Variants in RFTN1 observed in about 807,000 individuals in gnomAD.
RFTN1 encodes raftlin.
A neutral mutation model predicts 46.5 loss-of-function variants in RFTN1; 26 were observed. The ratio of observed to expected loss-of-function variants is 0.56; its 90% confidence interval spans 0.41 to 0.78. The LOEUF is 0.78. Ranked by LOEUF, RFTN1 falls within the 30% of genes least tolerant of loss-of-function variation. The pLI is 0.00. For synonymous variants in RFTN1, 261 were observed against 284.2 expected, an observed-to-expected ratio of 0.92 and a Z score of 0.82; for missense variants, 693 against 718.7, an observed-to-expected ratio of 0.96 and a Z score of 0.41.
chr3:16,334,299 G>A lies in RFTN1; in HGVS notation c.1147-7423C>T, dbSNP rs992250455. ...AGGCCGTGGGGAAGCATGCGTTCTTGTACATTGCTAGTGGAAGGGCTCATT... is the reference window on the plus strand; with the variant it reads ...AGGCCGTGGGGAAGCATGCGTTCTTATACATTGCTAGTGGAAGGGCTCATT... On this transcript the variant is annotated intron_variant, in intron 7 of 9. Coordinates refer to ENST00000334133, the MANE Select transcript of RFTN1 (RefSeq NM_015150.2). The surrounding 1 kb of genome is among the most constrained non-coding windows in gnomAD (Gnocchi z 4.3). 6.6e-6 allele frequency among the ~76,000 whole-genome samples: 1 copy of A among 152,226 alleles called. No individual in the cohort carries two copies. The highest frequency in any genetic ancestry group is 2.4e-5 in the African/African-American group (1 of 41,456).
intron 6 of RFTN1, among the ~76,000 whole-genome samples, chr3:16,359,858 G>A (rs1284746549): frequency 6.6e-6 from 1 of 151,428 alleles, no homozygotes; most frequent in Non-Finnish European, 1.5e-5. Flanking sequence ...AATTCAGAAA[G>A]TCCCCTGAAT....
intron 2 of RFTN1, chr3:16,472,125 A>C (rs2076207771): frequency 6.8e-6 from 1 of 147,490 alleles, no homozygotes; most frequent in Admixed American, 6.7e-5. Flanking sequence ...TAAGCTGTTA[A>C]AAAAAAAAAA....
rs549482283 is a variant in RFTN1 at position 16,424,868 on chromosome 3, A to C, written c.332+8983T>G. ...CTGCATTCATATCTAAAAGTGTAAA[A>C]CTCAATGACTAGTCTCATCCAGGAC... On this transcript the variant is annotated intron_variant, in intron 3 of 9. Coordinates refer to ENST00000334133, the MANE Select transcript of RFTN1 (RefSeq NM_015150.2). The surrounding 1 kb of genome is among the most constrained non-coding windows in gnomAD (Gnocchi z 4.7). Among the ~76,000 whole-genome samples, 1 of 152,202 alleles carries C rather than the reference A, an allele frequency of 6.6e-6. No homozygotes were observed. Among genetic ancestry groups the C allele is most frequent in the Non-Finnish European group, 1.5e-5 (1 of 68,000 alleles).
intron 6 of RFTN1, among the ~76,000 whole-genome samples, chr3:16,364,773 T>C (rs918488434): frequency 2.0e-5 from 3 of 152,194 alleles, no homozygotes; most frequent in Non-Finnish European, 4.4e-5. Flanking sequence ...CAATTACATG[T>C]AAAAATATGA....
In RFTN1 at chr3:16,428,669, T is replaced by C. The variant is rs1277594163; in HGVS notation, c.332+5182A>G. Among the ~76,000 whole-genome samples the C allele has an allele frequency of 6.6e-6, 1 of 152,190 alleles. No homozygotes were observed. On this transcript the variant is annotated intron_variant, in intron 3 of 9. Coordinates refer to ENST00000334133, the MANE Select transcript of RFTN1 (RefSeq NM_015150.2). The surrounding 1 kb of genome is among the most constrained non-coding windows in gnomAD (Gnocchi z 4.7). Reference sequence around the variant, plus strand: ...TCGCCAAAGGACTTCAACTCATTCATGATGAAAAACACACCAATGACGCCC... The same window carrying C: ...TCGCCAAAGGACTTCAACTCATTCACGATGAAAAACACACCAATGACGCCC...
At chr3:16,392,676 C>T (rs2074379219) in intron 4 of RFTN1, among the ~76,000 whole-genome samples, 1 of 106,936 alleles carries the variant, frequency 9.4e-6, no homozygotes, top group Non-Finnish European at 1.8e-5. Flanking sequence ...TACACACACA[C>T]ACACATATAT....
At chr3:16,398,758 T>G (rs1019858603) in intron 4 of RFTN1, among the ~76,000 whole-genome samples, 1 of 152,134 alleles carries the variant, frequency 6.6e-6, no homozygotes, top group Non-Finnish European at 1.5e-5. Flanking sequence ...ATCCCCTGGG[T>G]GGCTGGAAAG....
intron 8 of RFTN1, among the ~76,000 whole-genome samples, chr3:16,324,431 G>A (rs972323709): frequency 3.3e-5 from 5 of 152,080 alleles, no homozygotes; most frequent in African/African-American, 4.8e-5. Flanking sequence ...TCTCTCGTTT[G>A]CCCATCCGCC....
chr3:16,464,092 T>C (rs1157525808), intron 2 of RFTN1, among the ~76,000 whole-genome samples: 1 of 152,184 alleles, frequency 6.6e-6, no homozygotes, highest in African/African-American at 2.4e-5. Context: ...TGCTTATCTT[T>C]CGAACCTCTC....
intron 2 of RFTN1, among the ~76,000 whole-genome samples, chr3:16,469,263 G>T (rs545723554): frequency 1.3e-5 from 2 of 152,318 alleles, no homozygotes; most frequent in South Asian, 2.1e-4. Context: ...GGGATTAAAA[G>T]AATTAATATA....
intron 5 of RFTN1, among the ~76,000 whole-genome samples, chr3:16,373,649 GAAGA>G (rs934602570): frequency 1.3e-5 from 2 of 152,218 alleles, no homozygotes; most frequent in African/African-American, 2.4e-5. Context: ...GGTCTGGAGA[GAAGA>G]AAGAGTTTAG....
rs149728076 is a variant in RFTN1, at chr3:16,460,174, A to G, written c.146-26137T>C. Among the ~76,000 whole-genome samples, 409 of 151,926 alleles carry G rather than the reference A, an allele frequency of 2.7e-3. No individual in the cohort carries two copies. The highest frequency in any genetic ancestry group is 9.2e-3 in the African/African-American group (380 of 41,410). ...TGTGTAGATTATTCTGGCCCTGCAA[A>G]ACACAGAAGTGTCTCAATTTCTCTT... On this transcript the variant is annotated intron_variant, in intron 2 of 9. Coordinates refer to ENST00000334133, the MANE Select transcript of RFTN1 (RefSeq NM_015150.2). This position sits in a 1 kb window ranked among gnomAD's most constrained non-coding sequence, Gnocchi z 4.8.
At chr3:16,325,638 C>T (rs902138025) in intron 8 of RFTN1, among the ~76,000 whole-genome samples, 2 of 152,108 alleles carry the variant, frequency 1.3e-5, no homozygotes, top group Admixed American at 6.5e-5. Context: ...CTATGCCTGT[C>T]GAAGTCTTGG....
At chr3:16,403,589 TATATATA>T (rs1300609174) in intron 4 of RFTN1, among the ~76,000 whole-genome samples, 1,193 of 72,670 alleles carry the variant, frequency 0.016, 303 homozygotes, top group African/African-American at 0.073. Flanking sequence ...TTATATTTTA[TATATATA>T]ATATATAATA....
In RFTN1 at chr3:16,504,133, A is replaced by T. The variant is rs1017068576; in HGVS notation, c.-9+9309T>A. 6.6e-6 allele frequency among the ~76,000 whole-genome samples: 1 copy of T among 152,228 alleles called. No homozygotes were observed. Among genetic ancestry groups the T allele is most frequent in the African/African-American group, 2.4e-5 (1 of 41,448 alleles). On this transcript the variant is annotated intron_variant, in intron 1 of 9. Coordinates refer to ENST00000334133, the MANE Select transcript of RFTN1 (RefSeq NM_015150.2). The surrounding 1 kb of genome is among the most constrained non-coding windows in gnomAD (Gnocchi z 4.4). ...TTTAATGGCATGCCCTAGACTAAAAAAAAAATACCCAATAGTTCGTTTTAT... is the reference window on the plus strand; with the variant it reads ...TTTAATGGCATGCCCTAGACTAAAATAAAAATACCCAATAGTTCGTTTTAT...
In RFTN1 at chr3:16,443,228, A is replaced by T. The variant is rs759321860; in HGVS notation, c.146-9191T>A. Among the ~76,000 whole-genome samples, 21 of 152,198 alleles carry T rather than the reference A, an allele frequency of 1.4e-4. No homozygotes were observed. The highest frequency in any genetic ancestry group is 2.5e-4 in the Non-Finnish European group (17 of 68,032). ...TTCTCTTATACTTCACATCCTCACC[A>T]ACACTTCTTATCTCTTGTATTTTTG... is the stretch of plus-strand genomic sequence containing the variant. On this transcript the variant is annotated intron_variant, in intron 2 of 9. Transcript: ENST00000334133. The surrounding 1 kb of genome is among the most constrained non-coding windows in gnomAD (Gnocchi z 5.5).
intron 2 of RFTN1, among the ~76,000 whole-genome samples, chr3:16,464,561 C>T (rs970768652): frequency 6.6e-6 from 1 of 152,178 alleles, no homozygotes; most frequent in African/African-American, 2.4e-5. Context: ...ATTAGTTCCC[C>T]CCCATATAAA....
Position 16,338,229 on chromosome 3 carries a change from CA to C in RFTN1, c.1147-11354del, listed in dbSNP as rs369122801. Among the ~76,000 whole-genome samples the C allele has an allele frequency of 3.9e-4, 59 of 152,338 alleles. No individual in the cohort carries two copies. Among genetic ancestry groups the C allele is most frequent in the Middle Eastern group, 3.4e-3 (1 of 294 alleles). ...AGGAGATGGCATGCATCCTTATTAT[CA>C]GGGGTGTCTGCCCACACACACCTGC... On this transcript the variant is annotated intron_variant, in intron 7 of 9. Coordinates refer to ENST00000334133, the MANE Select transcript of RFTN1 (RefSeq NM_015150.2). This position sits in a 1 kb window ranked among gnomAD's most constrained non-coding sequence, Gnocchi z 5.3.
At chr3:16,454,495 T>C (rs532034204) in intron 2 of RFTN1, among the ~76,000 whole-genome samples, 1 of 152,296 alleles carries the variant, frequency 6.6e-6, no homozygotes, top group African/African-American at 2.4e-5. Flanking sequence ...GACGATTGTG[T>C]GAGAGGCTGC....
Sources: gnomAD v4.1 joint callset for allele counts (sites outside exome capture counted in the v4.1 genomes callset) on GRCh38, gnomAD v4.1.1 for gene constraint, Gnocchi (gnomAD v3.1) non-coding constraint, MANE v1.5 for transcripts, NCBI Gene and HGNC (gene_info 2026-07-23, HGNC 2026-07-21) for gene names.